BORA: variants seen among roughly 807,000 people sequenced by gnomAD.
BORA encodes BORA aurora kinase A activator, also known as protein aurora borealis.
Under a neutral mutation model 55.8 loss-of-function variants are expected in BORA, and 26 were observed. The ratio of observed to expected loss-of-function variants is 0.47; its 90% CI spans 0.34 to 0.65. BORA has a LOEUF of 0.65. Ranked by LOEUF, BORA falls within the 30% of genes least tolerant of loss-of-function variation. BORA has a pLI of 0.01. For synonymous variants in BORA, 201 were observed against 216.9 expected (o/e 0.93, Z 0.64); for missense variants, 568 against 671.5 (o/e 0.85, Z 1.70).
intron 3 of BORA, 81 bp from the exon 4 acceptor site, chr13:72,734,878 AT>A: frequency 9.9e-7 from 1 of 1,007,542 alleles, no homozygotes; most frequent in East Asian, 2.6e-5. Context: ...AAGGGAGATT[AT>A]TTATTTGAAA....
intron 4 of BORA, among the ~76,000 whole-genome samples, chr13:72,735,523 T>G (rs1399505011): frequency 6.6e-6 from 1 of 152,218 alleles, no homozygotes; most frequent in African/African-American, 2.4e-5. Context: ...AATGTAGGCT[T>G]TCTAAAAAAT....
intron 2 of BORA, among the ~76,000 whole-genome samples, chr13:72,730,295 T>A (rs771690756): frequency 6.6e-6 from 1 of 152,212 alleles, no homozygotes; most frequent in Non-Finnish European, 1.5e-5. Flanking sequence ...AATCTGACCT[T>A]ATGATTTTTA....
At position 72,728,254 on chromosome 13, in the gene BORA, C is replaced by T. The variant is rs1192864967; in HGVS notation, c.-16+247C>T. The T allele has an allele frequency of 1.7e-5, 12 of 703,390 alleles. No homozygotes were observed. The Admixed American group carries it at 2.4e-4, about 14-fold the overall frequency. The allele number at this position is 703,390 out of a possible 1,614,324, so 43.6% of individuals were successfully genotyped here. A position where few individuals can be genotyped will look rare whatever the true frequency, so the allele number is the denominator to read the frequency against. On this transcript the variant is annotated intron_variant, in intron 1 of 11. Coordinates refer to ENST00000390667, the MANE Select transcript of BORA (RefSeq NM_024808.5). ...AAGTAGACTCTTTTCCACCCCACCC[C>T]GCCAAGGTGTAGCCTCTGTAGCCTC...
chr13:72,741,099 T>C (rs1441457786), intron 5 of BORA, among the ~76,000 whole-genome samples: 2 of 152,218 alleles, frequency 1.3e-5, no homozygotes, highest in Admixed American at 1.3e-4. Context: ...CTTCAGTGCA[T>C]ATCCTCATGT....
chr13:72,743,943 C>A (rs916991190), intron 6 of BORA, among the ~76,000 whole-genome samples: 1 of 151,978 alleles, frequency 6.6e-6, no homozygotes, highest in East Asian at 1.9e-4. Context: ...CGCCATGTTG[C>A]CCAGGCTGGT....
chr13:72,742,600 CCTA>C (rs1426939280), intron 5 of BORA, among the ~76,000 whole-genome samples: 1 of 151,854 alleles, frequency 6.6e-6, no homozygotes, highest in Non-Finnish European at 1.5e-5. Flanking sequence ...ATTCATCAGT[CCTA>C]CTACTGGGTA....
chr13:72,740,864 T>A (rs2033020956), intron 5 of BORA, among the ~76,000 whole-genome samples: 1 of 152,224 alleles, frequency 6.6e-6, no homozygotes, highest in Non-Finnish European at 1.5e-5. Context: ...TCACTAGCTG[T>A]GTGACTTTAG....
intron 4 of BORA, among the ~76,000 whole-genome samples, chr13:72,736,112 C>T (rs1566220853): frequency 6.7e-6 from 1 of 149,426 alleles, no homozygotes; most frequent in South Asian, 2.1e-4. Flanking sequence ...CTAGTAACTG[C>T]ACAGTTTTCA....
In BORA at chr13:72,728,947, G is replaced by A. The variant is rs1317511264; in HGVS notation, c.7G>A (p.Asp3Asn). ...TTAGTTTTCTCTCTGTGCTATGGGA[G>A]ATGTCAAGGAATCAAAGATGCAAAT... MGDVKESKMQITP... is the reference protein window; with the variant it reads MGNVKESKMQITP... The change falls in exon 2 of 12, where the codon GAT (aspartate) becomes AAT (asparagine). Residue 3 changes from aspartate (D) to asparagine (N), a missense_variant. By Grantham distance (23) the Asp-to-Asn change is conservative (BLOSUM62 1). Transcript: ENST00000390667. 6.3e-7 allele frequency: 1 copy of A among 1,596,524 alleles called. No homozygotes were observed. Among genetic ancestry groups the A allele is most frequent in the African/African-American group, 1.4e-5 (1 of 73,678 alleles).
Position 72,727,933 on chromosome 13 carries a change from T to A in BORA, c.-90T>A, listed in dbSNP as rs1310202276. ...CGGAAGCGGGGAGTTAAAGAGTCTATGCCTGTCGTGGAAGCTGGCCTGGCC... is the reference window on the plus strand; with the variant it reads ...CGGAAGCGGGGAGTTAAAGAGTCTAAGCCTGTCGTGGAAGCTGGCCTGGCC... On this transcript the variant is annotated 5_prime_UTR_variant, in exon 1 of 12. The change abolishes an upstream ATG in the 5' untranslated region. Transcript: ENST00000390667. 1 of 1,550,650 alleles carries A rather than the reference T, an allele frequency of 6.4e-7. No homozygotes were observed. Among genetic ancestry groups the A allele is most frequent in the Non-Finnish European group, 8.7e-7 (1 of 1,147,006 alleles).
chr13:72,751,427 T>A (rs1216669184), intron 10 of BORA, among the ~76,000 whole-genome samples: 2 of 152,114 alleles, frequency 1.3e-5, no homozygotes, highest in Non-Finnish European at 2.9e-5. Flanking sequence ...CCATAAAAAA[T>A]AATGAAGTCC....
intron 2 of BORA, among the ~76,000 whole-genome samples, 175 bp from the exon 3 acceptor site, chr13:72,731,106 C>T (rs950213375): frequency 6.6e-6 from 1 of 151,826 alleles, no homozygotes; most frequent in Admixed American, 6.6e-5. Context: ...GTCAGTTGAT[C>T]GAATGTGATA....
At chr13:72,740,694 C>T (rs1179497672) in intron 5 of BORA, among the ~76,000 whole-genome samples, 2 of 152,156 alleles carry the variant, frequency 1.3e-5, no homozygotes, top group African/African-American at 4.8e-5. Flanking sequence ...TGCTGTACCA[C>T]AAAAGTAGCC....
At position 72,753,829 on chromosome 13, in the gene BORA, G is replaced by A; in HGVS notation, c.1614+8G>A. The A allele has an allele frequency of 6.2e-7, 1 of 1,606,962 alleles. No homozygotes were observed. Among genetic ancestry groups the A allele is most frequent in the Non-Finnish European group, 8.5e-7 (1 of 1,174,450 alleles). On this transcript the variant is annotated splice_region_variant and intron_variant, in intron 11 of 11. Transcript: ENST00000390667. ...CAAGCATTTAATATGAAGGTACGGAGAAAATATAGTGAAAGCTTAATATTG... is the reference window on the plus strand; with the variant it reads ...CAAGCATTTAATATGAAGGTACGGAAAAAATATAGTGAAAGCTTAATATTG...
chr13:72,727,980 T>C lies in BORA; in HGVS notation c.-43T>C. The stretch of plus-strand genomic sequence containing the variant: ...GGCCCCCGGAGCTCCCTGGAGTCGG[T>C]ACTGGGGGCTTCGTTTTGTACGCAC... On this transcript the variant is annotated 5_prime_UTR_variant, in exon 1 of 12. Transcript: ENST00000390667. The C allele has an allele frequency of 1.3e-6, 2 of 1,549,904 alleles. No individual in the cohort carries two copies. Among genetic ancestry groups the C allele is most frequent in the South Asian group, 2.4e-5 (2 of 84,000 alleles).
Position 72,746,589 on chromosome 13 carries a change from T to A in BORA, c.960T>A (p.Tyr320Ter). The A allele has an allele frequency of 6.2e-7, 1 of 1,614,124 alleles. No individual in the cohort carries two copies. The highest frequency in any genetic ancestry group is 8.5e-7 in the Non-Finnish European group (1 of 1,179,988). ...CTAATCCGTGTATCAGAAGTCCTTATATAGATGGCTGCTCGCCAATTAAAA... is the reference window on the plus strand; with the variant it reads ...CTAATCCGTGTATCAGAAGTCCTTAAATAGATGGCTGCTCGCCAATTAAAA... ...GITNPCIRSPYIDGCSPIKNW... is the reference protein window; with the variant it reads ...GITNPCIRSP The change falls in exon 10 of 12, where the codon TAT (tyrosine) becomes TAA (stop). Residue 320 changes from tyrosine to a stop codon, truncating the protein, a stop_gained. Coordinates refer to ENST00000390667, the MANE Select transcript of BORA (RefSeq NM_024808.5). LOFTEE classifies it high-confidence loss of function.
intron 11 of BORA, 73 bp downstream of exon 11, chr13:72,753,894 A>G (rs149985333): frequency 3.0e-4 from 411 of 1,375,590 alleles, no homozygotes; most frequent in Admixed American, 3.9e-4. Context: ...TTATTAGACA[A>G]TAGTACTATT....
intron 10 of BORA, among the ~76,000 whole-genome samples, chr13:72,751,606 G>C (rs2033275776): frequency 6.6e-6 from 1 of 152,158 alleles, no homozygotes; most frequent in Admixed American, 6.5e-5. Flanking sequence ...AGGGGGAGCA[G>C]GGATAGGGAG....
At chr13:72,731,184 C>T in intron 2 of BORA, 97 bp from the exon 3 acceptor site, 1 of 705,106 alleles carries the variant, frequency 1.4e-6, no homozygotes, top group Non-Finnish European at 2.4e-6. Flanking sequence ...AAAATATTTT[C>T]ATATTATAAC....
Sources: allele counts gnomAD v4.1 joint callset (sites outside exome capture counted in the v4.1 genomes callset), GRCh38; gene constraint gnomAD v4.1.1; transcripts MANE v1.5; gene names NCBI Gene and HGNC (gene_info 2026-07-23, HGNC 2026-07-21).